The following FBXO22 variants were observed in gnomAD, a reference collection of about 807,000 sequenced individuals.
The protein encoded by FBXO22 is F-box protein 22, also known as F-box only protein 22.
A neutral mutation model predicts 37.2 loss-of-function variants in FBXO22; 13 were observed. The ratio of observed to expected loss-of-function variants is 0.35; its 90% CI spans 0.23 to 0.56. FBXO22 has a LOEUF of 0.56. FBXO22 is among the 20% of genes least tolerant of loss of function. FBXO22 has a pLI of 0.87. For missense variants in FBXO22, 446 were observed against 509.9 expected (o/e 0.87, Z 1.21); for synonymous variants, 189 against 189.1 (o/e 1.00, Z 0.00).
rs2030672752 is a variant in FBXO22, at chr15:75,939,077, A to G, written c.*5975A>G. 6.6e-6 allele frequency: 1 copy of G among 152,162 alleles called. No homozygotes were observed. Among genetic ancestry groups the G allele is most frequent in the Non-Finnish European group, 1.5e-5 (1 of 68,000 alleles). 9.4% of individuals were successfully genotyped at this position (152,162 alleles called of 1,614,324 possible). Reference sequence around the variant, plus strand: ...AAAACATACTAAATCCAAAGCTAGCAGATGGAAGGAAATAATAAAGATTAG... The same window carrying G: ...AAAACATACTAAATCCAAAGCTAGCGGATGGAAGGAAATAATAAAGATTAG... On this transcript the variant is annotated 3_prime_UTR_variant, in exon 7 of 7. Transcript: ENST00000308275.
intron 5 of FBXO22, among the ~76,000 whole-genome samples, chr15:75,928,798 G>A (rs953266521): frequency 6.6e-6 from 1 of 152,126 alleles, no homozygotes; most frequent in African/African-American, 2.4e-5. Context: ...TGGGAGCTGT[G>A]GGCAGAGCAA....
At chr15:75,919,346 A>T (rs757609524) in intron 5 of FBXO22, among the ~76,000 whole-genome samples, 7 of 152,192 alleles carry the variant, frequency 4.6e-5, no homozygotes, top group African/African-American at 7.2e-5. Context: ...TAACTGTGAG[A>T]TAATGCATAT....
At chr15:75,916,900 A>AC (rs559845545) in intron 4 of FBXO22, among the ~76,000 whole-genome samples, 8 of 152,054 alleles carry the variant, frequency 5.3e-5, no homozygotes, top group South Asian at 4.2e-4. Context: ...TGTATTTACT[A>AC]CCCCCCCAAC....
At chr15:75,924,709 TG>T (rs1900402460) in intron 5 of FBXO22, among the ~76,000 whole-genome samples, 1 of 152,148 alleles carries the variant, frequency 6.6e-6, no homozygotes, top group Non-Finnish European at 1.5e-5. Context: ...CAGCTCTACC[TG>T]TCTGTACCAC....
intron 5 of FBXO22, among the ~76,000 whole-genome samples, chr15:75,919,806 G>A (rs1287739335): frequency 1.3e-5 from 2 of 152,180 alleles, no homozygotes; most frequent in African/African-American, 4.8e-5. Flanking sequence ...CATGCCAGAG[G>A]AGCATACATG....
intron 4 of FBXO22, 32 bp from the exon 5 acceptor site, chr15:75,917,198 C>G (rs1259825347): frequency 2.6e-6 from 4 of 1,551,214 alleles, no homozygotes; most frequent in South Asian, 2.3e-5. Flanking sequence ...TTTACTGACT[C>G]TATTGGTGAA....
chr15:75,939,561 A>T lies in FBXO22; in HGVS notation c.*6459A>T, dbSNP rs529829275. 3 of 152,306 alleles carry T rather than the reference A, an allele frequency of 2.0e-5. No homozygotes were observed. Among genetic ancestry groups the T allele is most frequent in the African/African-American group, 7.2e-5 (3 of 41,576 alleles). The allele number at this position is 152,306 out of a possible 1,614,324, so 9.4% of individuals were successfully genotyped here. A position where few individuals can be genotyped will look rare whatever the true frequency, so the allele number is the denominator to read the frequency against. On this transcript the variant is annotated 3_prime_UTR_variant, in exon 7 of 7. Transcript: ENST00000308275. ...GAAGGACGCTGCCTAATTCATTCTG[A>T]TGCTGAAGCCAGACAAAGATACTAC...
rs79022260 is a variant in FBXO22, at chr15:75,907,426, A to G, written c.279+2797A>G. On this transcript the variant is annotated intron_variant, in intron 2 of 6. Coordinates refer to ENST00000308275, the MANE Select transcript of FBXO22 (RefSeq NM_147188.3). ...TTAGTATCATTATTAAAGTTCACATAGTTATAGTAATGCCCTTAGAGGAGT... is the reference window on the plus strand; with the variant it reads ...TTAGTATCATTATTAAAGTTCACATGGTTATAGTAATGCCCTTAGAGGAGT... Among the ~76,000 whole-genome samples, 578 of 152,234 alleles carry G rather than the reference A, an allele frequency of 3.8e-3. 1 individual carries two copies. Among genetic ancestry groups the G allele is most frequent in the Non-Finnish European group, 6.2e-3 (424 of 67,972 alleles).
At chr15:75,927,127 C>T (rs1020799795) in intron 5 of FBXO22, among the ~76,000 whole-genome samples, 1 of 152,044 alleles carries the variant, frequency 6.6e-6, no homozygotes, top group African/African-American at 2.4e-5. Context: ...GGGTGTGAGG[C>T]GGTAGGTCTG....
chr15:75,913,053 GT>G, intron 2 of FBXO22, 149 bp from the exon 3 acceptor site: 1 of 500,506 alleles, frequency 2.0e-6, no homozygotes, highest in Non-Finnish European at 3.6e-6. Flanking sequence ...AGGTTGTTCA[GT>G]TTCCATGTAG....
chr15:75,905,769 A>G (rs1899916883), intron 2 of FBXO22: 1 of 152,172 alleles, frequency 6.6e-6, no homozygotes, highest in Admixed American at 6.5e-5. Flanking sequence ...TAGAACATCC[A>G]TCAATTGTGT....
At position 75,941,563 on chromosome 15, in the gene FBXO22, A is replaced by G. The variant is rs2030957603; in HGVS notation, c.*8461A>G. The stretch of plus-strand genomic sequence containing the variant: ...TGAATGGATAGACAAAATGTGTTAT[A>G]TCCATACAATGGAATATTATTCAGC... On this transcript the variant is annotated 3_prime_UTR_variant, in exon 7 of 7. Coordinates refer to ENST00000308275, the MANE Select transcript of FBXO22 (RefSeq NM_147188.3). The G allele has an allele frequency of 6.6e-6, 1 of 152,214 alleles. No individual in the cohort carries two copies. Among genetic ancestry groups the G allele is most frequent in the Non-Finnish European group, 1.5e-5 (1 of 68,030 alleles). 9.4% of individuals were successfully genotyped at this position (152,214 alleles called of 1,614,324 possible).
chr15:75,919,640 G>T (rs947323028), intron 5 of FBXO22, among the ~76,000 whole-genome samples: 1 of 152,268 alleles, frequency 6.6e-6, no homozygotes, highest in East Asian at 1.9e-4. Flanking sequence ...TTCATAAAAC[G>T]CTTAGCAACA....
At chr15:75,904,312 G>C in intron 1 of FBXO22, 179 bp from the exon 2 acceptor site, 1 of 1,119,262 alleles carries the variant, frequency 8.9e-7, no homozygotes, top group Non-Finnish European at 1.3e-6. Flanking sequence ...TCCCCTTAAG[G>C]TTTTCTCCAT....
At chr15:75,904,127 G>T in intron 1 of FBXO22, 24 bp downstream of exon 1, 1 of 1,525,508 alleles carries the variant, frequency 6.6e-7, no homozygotes. Context: ...GCGGAGGCGG[G>T]AAGCTTGCCT....
intron 2 of FBXO22, among the ~76,000 whole-genome samples, chr15:75,911,749 G>A (rs982081393): frequency 6.6e-6 from 1 of 151,282 alleles, no homozygotes; most frequent in Non-Finnish European, 1.5e-5. Flanking sequence ...ATTTGAATAT[G>A]CTTTATTCTT....
At position 75,918,578 on chromosome 15, in the gene FBXO22, A is replaced by C. The variant is rs188383081; in HGVS notation, c.628+1184A>C. Reference sequence around the variant, plus strand: ...TCCCATGTTTATTGCAGCACTGTTCACAATAGCTAGGATATGGAATTAACC... The same window carrying C: ...TCCCATGTTTATTGCAGCACTGTTCCCAATAGCTAGGATATGGAATTAACC... On this transcript the variant is annotated intron_variant, in intron 5 of 6. Transcript: ENST00000308275. Among the ~76,000 whole-genome samples the C allele has an allele frequency of 2.6e-5, 4 of 152,358 alleles. No homozygotes were observed. The East Asian group carries it at 7.7e-4, about 29-fold the overall frequency.
chr15:75,940,694 T>C lies in FBXO22; in HGVS notation c.*7592T>C, dbSNP rs753881024. 6.6e-6 allele frequency: 1 copy of C among 152,092 alleles called. No homozygotes were observed. Among genetic ancestry groups the C allele is most frequent in the Non-Finnish European group, 1.5e-5 (1 of 67,970 alleles). The allele number at this position is 152,092 out of a possible 1,614,324, so 9.4% of individuals were successfully genotyped here. On this transcript the variant is annotated 3_prime_UTR_variant, in exon 7 of 7. Coordinates refer to ENST00000308275, the MANE Select transcript of FBXO22 (RefSeq NM_147188.3). Reference sequence around the variant, plus strand: ...ACCTAGAAATAAACCCTCTCATATGTAGGTAAATGATTTTTGACAAGGGTG... The same window carrying C: ...ACCTAGAAATAAACCCTCTCATATGCAGGTAAATGATTTTTGACAAGGGTG...
At chr15:75,909,497 T>C (rs1900002924) in intron 2 of FBXO22, among the ~76,000 whole-genome samples, 1 of 152,166 alleles carries the variant, frequency 6.6e-6, no homozygotes, top group South Asian at 2.1e-4. Flanking sequence ...ACAGCCTGTA[T>C]ACCTTCCCCA....
Sources: gnomAD v4.1 joint callset for allele counts (sites outside exome capture counted in the v4.1 genomes callset) on GRCh38, gnomAD v4.1.1 for gene constraint, MANE v1.5 for transcripts, NCBI Gene and HGNC (gene_info 2026-07-23, HGNC 2026-07-21) for gene names.